The following DPY19L1 variants were observed in gnomAD, a reference collection of about 807,000 sequenced individuals.
DPY19L1 encodes the protein dpy-19 like C-mannosyltransferase 1.
Under a neutral mutation model 96.9 loss-of-function variants are expected in DPY19L1, and 35 were observed. The ratio of observed to expected loss-of-function variants is 0.36; its 90% confidence interval spans 0.28 to 0.48. The LOEUF (loss-of-function observed/expected upper bound fraction) is 0.48, where lower values mean the gene tolerates loss of function less well. DPY19L1 is among the 20% of genes least tolerant of loss of function. The probability of loss-of-function intolerance (pLI) is 0.99; values close to 1 mark genes in which losing one functional copy is unlikely to be tolerated. For synonymous variants in DPY19L1, 205 were observed against 252.6 expected (o/e 0.81, Z 1.79); for missense variants, 521 against 777.9 (o/e 0.67, Z 3.93).
intron 6 of DPY19L1, among the ~76,000 whole-genome samples, chr7:34,993,881 G>GA (rs1002853593): frequency 6.6e-6 from 1 of 150,910 alleles, no homozygotes; most frequent in Non-Finnish European, 1.5e-5. Context: ...CCAACATGAT[G>GA]AAACACTATC....
intron 1 of DPY19L1, among the ~76,000 whole-genome samples, chr7:35,024,800 T>C (rs1786083960): frequency 6.6e-6 from 1 of 152,258 alleles, no homozygotes; most frequent in South Asian, 2.1e-4. Flanking sequence ...TTACAGCACC[T>C]AAATAGCTAG....
At chr7:35,026,761 AAAT>A (rs1268991703) in intron 1 of DPY19L1, among the ~76,000 whole-genome samples, 1 of 152,242 alleles carries the variant, frequency 6.6e-6, no homozygotes, top group Admixed American at 6.5e-5. Flanking sequence ...TGATAGCTGA[AAAT>A]AATGATTAAG....
intron 10 of DPY19L1, among the ~76,000 whole-genome samples, chr7:34,959,891 G>C (rs1411239913): frequency 1.3e-4 from 13 of 103,670 alleles, no homozygotes; most frequent in Middle Eastern, 4.9e-3. Flanking sequence ...ATGTTTATTT[G>C]TATATAAATA....
chr7:34,975,609 G>A (rs1784814715), intron 7 of DPY19L1, among the ~76,000 whole-genome samples: 4 of 152,164 alleles, frequency 2.6e-5, no homozygotes, highest in Admixed American at 2.6e-4. Context: ...CAGGGCAGAT[G>A]AAAAAACCTT....
intron 12 of DPY19L1, 118 bp downstream of exon 12, chr7:34,955,190 C>G (rs1178648419): frequency 7.9e-7 from 1 of 1,258,532 alleles, no homozygotes; most frequent in Non-Finnish European, 1.1e-6. Flanking sequence ...CCCTAAAATA[C>G]TATAAAACTG....
chr7:35,011,737 T>C (rs1364244813), intron 4 of DPY19L1, among the ~76,000 whole-genome samples: 2 of 152,178 alleles, frequency 1.3e-5, no homozygotes, highest in African/African-American at 4.8e-5. Context: ...CAAAAGAAGA[T>C]TTGCACAAGT....
At chr7:35,008,874 C>T (rs781114344) in intron 6 of DPY19L1, among the ~76,000 whole-genome samples, 2 of 152,150 alleles carry the variant, frequency 1.3e-5, no homozygotes, top group Non-Finnish European at 2.9e-5. Flanking sequence ...AAGTTTCTCT[C>T]CCTCTGGCTC....
intron 1 of DPY19L1, among the ~76,000 whole-genome samples, chr7:35,029,629 A>AGG (rs1786213532): frequency 6.6e-6 from 1 of 152,182 alleles, no homozygotes; most frequent in African/African-American, 2.4e-5. Context: ...TTGTTATATC[A>AGG]TTGCCAAGCC....
intron 13 of DPY19L1, among the ~76,000 whole-genome samples, chr7:34,950,537 C>G (rs552731750): frequency 6.6e-6 from 1 of 152,148 alleles, no homozygotes; most frequent in African/African-American, 2.4e-5. Flanking sequence ...GCCAAATGTT[C>G]AAGTTCATTA....
chr7:35,012,149 G>A lies in DPY19L1; in HGVS notation c.550-699C>T, dbSNP rs548772044. Reference sequence around the variant, plus strand: ...CTCAAGGTGACATCCCCTACCCACGGGCAATCTGCATCTGATGACCGACTA... The same window carrying A: ...CTCAAGGTGACATCCCCTACCCACGAGCAATCTGCATCTGATGACCGACTA... On this transcript the variant is annotated intron_variant, in intron 4 of 21. Transcript: ENST00000638088. Among the ~76,000 whole-genome samples the A allele has an allele frequency of 3.3e-5, 5 of 152,240 alleles. No homozygotes were observed. In the East Asian group the frequency reaches 9.7e-4, roughly 29 times the overall value.
chr7:34,955,339 A>G lies in DPY19L1; in HGVS notation c.1208T>C (p.Leu403Pro), dbSNP rs755438512. Residue 403 changes from leucine to proline, a missense_variant, in exon 12 of 22, where the codon CTG becomes CCG. Leu to Pro is a moderately conservative substitution (Grantham distance 98). Coordinates refer to ENST00000638088, the MANE Select transcript of DPY19L1 (RefSeq NM_001366673.1). ...WGILAMKPHF[L>P]KINVSELSLW... ...ACTAAGTTCAGATACATTTATTTTC[A>G]GGAAATGTGGTTTCATTGCCAGAAT... 1.0e-5 allele frequency: 16 copies of G among 1,606,886 alleles called. No individual in the cohort carries two copies. The Admixed American group carries it at 2.3e-4, about 24-fold the overall frequency.
intron 8 of DPY19L1, among the ~76,000 whole-genome samples, chr7:34,970,845 GAAAA>G (rs3048603): frequency 2.8e-5 from 3 of 106,662 alleles, no homozygotes; most frequent in African/African-American, 3.3e-5. Context: ...TGCCAAGAAT[GAAAA>G]AAAAAAAAAA....
intron 7 of DPY19L1, among the ~76,000 whole-genome samples, chr7:34,975,734 TATCTTGAAGCCA>T (rs1175072814): frequency 2.0e-5 from 3 of 152,132 alleles, no homozygotes; most frequent in African/African-American, 7.2e-5. Context: ...AACCAGTGAC[TATCTTGAAGCCA>T]ATATTCATTG....
At chr7:35,013,766 A>T (rs1455817136) in intron 3 of DPY19L1, 61 bp from the exon 4 acceptor site, 1 of 1,333,276 alleles carries the variant, frequency 7.5e-7, no homozygotes, top group African/African-American at 1.5e-5. Context: ...TGCCACTTCT[A>T]AGTAAATACA....
intron 6 of DPY19L1, among the ~76,000 whole-genome samples, chr7:34,992,544 T>G (rs1263380345): frequency 2.8e-5 from 1 of 36,022 alleles, no homozygotes; most frequent in African/African-American, 1.0e-4. Flanking sequence ...CCTTCCTGCC[T>G]TTTTTTTTTT....
At chr7:34,976,358 C>G (rs958636076) in intron 7 of DPY19L1, among the ~76,000 whole-genome samples, 1 of 152,170 alleles carries the variant, frequency 6.6e-6, no homozygotes, top group African/African-American at 2.4e-5. Flanking sequence ...GAAGATGTGA[C>G]TGAACTGCTG....
chr7:35,029,493 G>T (rs781619453), intron 1 of DPY19L1, among the ~76,000 whole-genome samples: 2 of 152,118 alleles, frequency 1.3e-5, no homozygotes, highest in African/African-American at 2.4e-5. Flanking sequence ...TTCATTAACT[G>T]ATAACCCATT....
chr7:34,956,125 C>T (rs1164030113), intron 11 of DPY19L1, among the ~76,000 whole-genome samples: 2 of 152,166 alleles, frequency 1.3e-5, no homozygotes, highest in Non-Finnish European at 2.9e-5. Context: ...CATCTAGCAG[C>T]ATACCTGACA....
chr7:34,976,950 A>ATTT (rs376435654), intron 7 of DPY19L1, among the ~76,000 whole-genome samples: 2 of 150,010 alleles, frequency 1.3e-5, no homozygotes, highest in African/African-American at 4.9e-5. Flanking sequence ...CACCCAGCTA[A>ATTT]TTTTTTTTTT....
Sources: allele counts gnomAD v4.1 joint callset (sites outside exome capture counted in the v4.1 genomes callset), GRCh38; gene constraint gnomAD v4.1.1; transcripts MANE v1.5; gene names NCBI Gene and HGNC (gene_info 2026-07-23, HGNC 2026-07-21).